Variants in ARHGAP19 observed in about 807,000 individuals in gnomAD.
The protein encoded by ARHGAP19 is Rho GTPase activating protein 19.
Under a neutral mutation model 60.9 loss-of-function variants are expected in ARHGAP19, and 48 were observed. The observed-to-expected ratio is 0.79, with a 90% CI of 0.62 to 1.00. ARHGAP19 has a LOEUF of 1.00. ARHGAP19 is among the 50% of genes least tolerant of loss of function. ARHGAP19 has a pLI of 0.00. For missense variants in ARHGAP19, 562 were observed against 597.2 expected, an observed-to-expected ratio of 0.94 and a Z score of 0.61; for synonymous variants, 209 against 215.5, an observed-to-expected ratio of 0.97 and a Z score of 0.27.
At chr10:97,269,165 A>C (rs1842933183) in intron 1 of ARHGAP19, among the ~76,000 whole-genome samples, 1 of 152,204 alleles carries the variant, frequency 6.6e-6, no homozygotes, top group Non-Finnish European at 1.5e-5. Context: ...TATTAAATAT[A>C]ACTAATCTAC....
intron 8 of ARHGAP19, among the ~76,000 whole-genome samples, chr10:97,235,995 G>T (rs1277943511): frequency 6.6e-6 from 1 of 152,048 alleles, no homozygotes. Context: ...GTTGTTGCTG[G>T]AGACAGAGTC....
At chr10:97,265,048 G>A in intron 2 of ARHGAP19, 142 bp from the exon 3 acceptor site, 3 of 637,004 alleles carry the variant, frequency 4.7e-6, no homozygotes, top group Non-Finnish European at 8.2e-6. Context: ...AGAACTGGAA[G>A]TGCACCAGAA....
chr10:97,273,888 G>A (rs2134906509), intron 1 of ARHGAP19, among the ~76,000 whole-genome samples: 1 of 151,746 alleles, frequency 6.6e-6, no homozygotes, highest in Non-Finnish European at 1.5e-5. Flanking sequence ...ACACAGTAAT[G>A]AAAATGGACA....
At chr10:97,253,375 A>G (rs567861143) in intron 6 of ARHGAP19, among the ~76,000 whole-genome samples, 1 of 150,938 alleles carries the variant, frequency 6.6e-6, no homozygotes, top group African/African-American at 2.4e-5. Context: ...TGAAAACTCT[A>G]TCTCAAAAAA....
intron 6 of ARHGAP19, among the ~76,000 whole-genome samples, chr10:97,249,193 A>T (rs1842606201): frequency 6.6e-6 from 1 of 152,204 alleles, no homozygotes; most frequent in South Asian, 2.1e-4. Context: ...AAATTAGAAA[A>T]TCTTTATTTT....
At chr10:97,238,269 G>A (rs149510008) in intron 8 of ARHGAP19, among the ~76,000 whole-genome samples, 253 of 152,178 alleles carry the variant, frequency 1.7e-3, no homozygotes, top group Middle Eastern at 3.4e-3. Flanking sequence ...GCAGTGGTGC[G>A]GATCATAGCT....
At chr10:97,230,281 A>C (rs1264136142) in intron 9 of ARHGAP19, among the ~76,000 whole-genome samples, 1 of 152,052 alleles carries the variant, frequency 6.6e-6, no homozygotes, top group Non-Finnish European at 1.5e-5. Context: ...CCTCCCCCCT[A>C]CTTACCACTG....
chr10:97,224,842 A>G lies in ARHGAP19; in HGVS notation c.*1280T>C, dbSNP rs1289330215. On this transcript the variant is annotated 3_prime_UTR_variant, in exon 12 of 12. Transcript: ENST00000358531. ...AAGCCATGCCACTGCTCTATCCAAC[A>G]CAAGTGAACACACCAAATCCAAAAG... The G allele has an allele frequency of 6.6e-6, 1 of 152,288 alleles. No homozygotes were observed. The highest frequency in any genetic ancestry group is 1.5e-5 in the Non-Finnish European group (1 of 68,132). The allele number at this position is 152,288 out of a possible 1,614,324, so 9.4% of individuals were successfully genotyped here.
intron 1 of ARHGAP19, among the ~76,000 whole-genome samples, chr10:97,289,636 A>G (rs1365167843): frequency 1.3e-5 from 2 of 152,018 alleles, no homozygotes; most frequent in African/African-American, 2.4e-5. Flanking sequence ...GGAACTCAAG[A>G]CCACCCTGGG....
rs35980234 is a variant in ARHGAP19 at position 97,272,131 on chromosome 10, C to CTTTTT, written c.57-6011_57-6007dup. On this transcript the variant is annotated intron_variant, in intron 1 of 11. Coordinates refer to ENST00000358531, the MANE Select transcript of ARHGAP19 (RefSeq NM_032900.6). ...TTATACACTTAGGTGGGAAATATGT[C>CTTTTT]TTTTTTTTTTTTTTTTTTTTTTCAG... Among the ~76,000 whole-genome samples, 38 of 85,638 alleles carry CTTTTT rather than the reference C, an allele frequency of 4.4e-4. 2 individuals carry two copies. Among genetic ancestry groups the CTTTTT allele is most frequent in the East Asian group, 7.6e-4 (2 of 2,636 alleles). The allele number at this position is 85,638 out of a possible 152,430, so 56.2% of individuals were successfully genotyped here.
At chr10:97,284,895 G>A (rs1344128441) in intron 1 of ARHGAP19, among the ~76,000 whole-genome samples, 1 of 135,632 alleles carries the variant, frequency 7.4e-6, no homozygotes, top group African/African-American at 2.8e-5. Flanking sequence ...ACTGAGTCTC[G>A]CTGTGTCGCC....
chr10:97,269,554 C>A (rs1257167332), intron 1 of ARHGAP19, among the ~76,000 whole-genome samples: 1 of 152,120 alleles, frequency 6.6e-6, no homozygotes, highest in African/African-American at 2.4e-5. Flanking sequence ...TTGACAAGAG[C>A]CTCTTTTTTT....
intron 4 of ARHGAP19, 38 bp downstream of exon 4, chr10:97,263,382 A>T: frequency 6.3e-7 from 1 of 1,585,384 alleles, no homozygotes; most frequent in Admixed American, 1.7e-5. Context: ...AAATTGAAAG[A>T]AATGTATTTA....
intron 1 of ARHGAP19, among the ~76,000 whole-genome samples, chr10:97,286,155 T>C (rs1843152386): frequency 6.6e-6 from 1 of 152,178 alleles, no homozygotes; most frequent in Non-Finnish European, 1.5e-5. Flanking sequence ...ACAGCACAAA[T>C]ACAAAACTAG....
At chr10:97,251,425 G>T (rs1842659295) in intron 6 of ARHGAP19, among the ~76,000 whole-genome samples, 1 of 70,686 alleles carries the variant, frequency 1.4e-5, no homozygotes, top group Non-Finnish European at 2.9e-5. Context: ...GAAGGGGAAG[G>T]GAAGGGGAAG....
chr10:97,236,003 G>T (rs1186801248), intron 8 of ARHGAP19, among the ~76,000 whole-genome samples: 1 of 152,134 alleles, frequency 6.6e-6, no homozygotes, highest in Admixed American at 6.6e-5. Context: ...TGGAGACAGA[G>T]TCTCACTCTG....
intron 9 of ARHGAP19, among the ~76,000 whole-genome samples, chr10:97,232,325 G>A (rs932214339): frequency 2.8e-4 from 43 of 151,592 alleles, no homozygotes; most frequent in Admixed American, 1.8e-3. Context: ...CAACATGCCC[G>A]GCTAATTTTT....
At chr10:97,260,130 C>T (rs964422488) in intron 4 of ARHGAP19, among the ~76,000 whole-genome samples, 2 of 151,606 alleles carry the variant, frequency 1.3e-5, no homozygotes, top group East Asian at 2.0e-4. Context: ...CCACAACACC[C>T]GGCCAAAATT....
chr10:97,279,833 C>T (rs1008821533), intron 1 of ARHGAP19, among the ~76,000 whole-genome samples: 6 of 152,126 alleles, frequency 3.9e-5, no homozygotes, highest in Admixed American at 1.3e-4. Flanking sequence ...ATTAAACTGG[C>T]AAACTATTCT....
Sources: allele counts gnomAD v4.1 joint callset (sites outside exome capture counted in the v4.1 genomes callset), GRCh38; gene constraint gnomAD v4.1.1; transcripts MANE v1.5; gene names NCBI Gene and HGNC (gene_info 2026-07-23, HGNC 2026-07-21).